GLCCI1: variants seen among roughly 807,000 people sequenced by gnomAD.
The protein encoded by GLCCI1 is glucocorticoid-induced transcript 1 protein.
In GLCCI1, 24 loss-of-function variants were observed where a neutral mutation model predicts 52.2. The observed-to-expected ratio is 0.46, with a 90% CI of 0.33 to 0.65. GLCCI1 has a LOEUF of 0.65. Among genes scored for constraint, GLCCI1 ranks in the 30% least tolerant of loss-of-function variants. The pLI is 0.02. For missense variants in GLCCI1, 704 were observed against 701.5 expected, an observed-to-expected ratio of 1.00 and a Z score of -0.04; for synonymous variants, 310 against 276.5, an observed-to-expected ratio of 1.12 and a Z score of -1.20.
intron 1 of GLCCI1, chr7:7,980,257 G>T (rs907110008): frequency 2.6e-5 from 4 of 153,132 alleles, no homozygotes; most frequent in African/African-American, 9.7e-5. Flanking sequence ...TTTAGTTTTT[G>T]CCTTAAAGAA....
At chr7:8,047,404 A>C (rs945898517) in intron 3 of GLCCI1, among the ~76,000 whole-genome samples, 3 of 152,250 alleles carry the variant, frequency 2.0e-5, no homozygotes, top group Non-Finnish European at 4.4e-5. Flanking sequence ...TGTATAAAGC[A>C]TTAAGTAGGG....
At chr7:7,976,507 A>AAAAAAAAAGG in intron 1 of GLCCI1, among the ~76,000 whole-genome samples, 1 of 146,090 alleles carries the variant, frequency 6.8e-6, no homozygotes, top group Admixed American at 6.7e-5. Context: ...AAGGAAAGGA[A>AAAAAAAAAGG]AAAGGAAAGG....
At chr7:8,068,970 T>C (rs1409525254) in intron 5 of GLCCI1, among the ~76,000 whole-genome samples, 1 of 152,194 alleles carries the variant, frequency 6.6e-6, no homozygotes, top group Non-Finnish European at 1.5e-5. Context: ...GGCCAGTAGG[T>C]AAGCTCTTGC....
chr7:8,085,323 T>C (rs1783081868), intron 7 of GLCCI1, among the ~76,000 whole-genome samples: 1 of 152,196 alleles, frequency 6.6e-6, no homozygotes, highest in Admixed American at 6.5e-5. Flanking sequence ...CAAAGAGACT[T>C]TAGGAGCAAA....
At chr7:8,079,583 C>T (rs748221943) in intron 6 of GLCCI1, among the ~76,000 whole-genome samples, 36 of 151,470 alleles carry the variant, frequency 2.4e-4, no homozygotes, top group Middle Eastern at 6.8e-3. Flanking sequence ...AGCATATCAA[C>T]AATAATGATT....
intron 1 of GLCCI1, among the ~76,000 whole-genome samples, chr7:7,991,171 A>G (rs1193674544): frequency 6.6e-6 from 1 of 151,924 alleles, no homozygotes; most frequent in African/African-American, 2.4e-5. Flanking sequence ...CATGGATTTA[A>G]CTCTTCACCC....
intron 1 of GLCCI1, among the ~76,000 whole-genome samples, chr7:7,991,335 T>C (rs1780835324): frequency 6.6e-6 from 1 of 152,080 alleles, no homozygotes; most frequent in South Asian, 2.1e-4. Context: ...TATTCACTTG[T>C]CTAGGAGACT....
chr7:8,029,997 G>T (rs1247064073), intron 3 of GLCCI1, among the ~76,000 whole-genome samples: 3 of 152,062 alleles, frequency 2.0e-5, no homozygotes, highest in Non-Finnish European at 4.4e-5. Context: ...TAGATTCAAT[G>T]CAATTCCTAT....
rs554517761 is a variant in GLCCI1 at position 8,007,164 on chromosome 7, T to C, written c.609+3105T>C. On this transcript the variant is annotated intron_variant, in intron 2 of 7. Transcript: ENST00000223145. The stretch of plus-strand genomic sequence containing the variant: ...AGGGCTTGTCTGGCTTGCATCTATC[T>C]GGATGTAGGTCATTTATTTGAGAAG... Among the ~76,000 whole-genome samples the C allele has an allele frequency of 2.6e-5, 4 of 152,132 alleles. No individual in the cohort carries two copies. The South Asian group carries it at 6.2e-4, about 24-fold the overall frequency.
At chr7:8,066,435 GAGTT>G (rs2127962998) in intron 5 of GLCCI1, among the ~76,000 whole-genome samples, 1 of 151,934 alleles carries the variant, frequency 6.6e-6, no homozygotes, top group Admixed American at 6.6e-5. Flanking sequence ...GCTAGCTTTG[GAGTT>G]AGTTTGCTCT....
intron 3 of GLCCI1, among the ~76,000 whole-genome samples, chr7:8,049,792 G>A (rs1013523186): frequency 1.4e-4 from 22 of 152,094 alleles, no homozygotes; most frequent in African/African-American, 2.4e-4. Context: ...CAGTAGCATC[G>A]CTAGGTAATA....
intron 1 of GLCCI1, among the ~76,000 whole-genome samples, chr7:7,974,010 T>G (rs1161651975): frequency 1.3e-5 from 2 of 152,120 alleles, no homozygotes; most frequent in Non-Finnish European, 2.9e-5. Flanking sequence ...ATTTTAAAAT[T>G]AATTAATTTT....
At chr7:7,998,615 T>C (rs1205974857) in intron 1 of GLCCI1, among the ~76,000 whole-genome samples, 1 of 152,218 alleles carries the variant, frequency 6.6e-6, no homozygotes, top group African/African-American at 2.4e-5. Context: ...ATAGTGTACT[T>C]TGTCTTTCTT....
Position 7,969,301 on chromosome 7 carries a change from GC to G in GLCCI1, c.-46del. 8.3e-7 allele frequency: 1 copy of G among 1,205,282 alleles called. No individual in the cohort carries two copies. The highest frequency in any genetic ancestry group is 6.5e-5 in the East Asian group (1 of 15,406). The allele number at this position is 1,205,282 out of a possible 1,614,324, so 74.7% of individuals were successfully genotyped here. ...GCTCCCACACGCTCGCGCGCCTCCC[GC>G]CCCGCGCCTCCGTGTCGGCCGGCGG... On this transcript the variant is annotated 5_prime_UTR_variant, in exon 1 of 8. Coordinates refer to ENST00000223145, the MANE Select transcript of GLCCI1 (RefSeq NM_138426.4). The surrounding 1 kb of genome is among the most constrained non-coding windows in gnomAD (Gnocchi z 4.9).
intron 6 of GLCCI1, among the ~76,000 whole-genome samples, chr7:8,082,483 T>C (rs1017029944): frequency 6.6e-6 from 1 of 152,152 alleles, no homozygotes; most frequent in Non-Finnish European, 1.5e-5. Context: ...TCTCTCTGAT[T>C]GCATACTTAA....
intron 2 of GLCCI1, among the ~76,000 whole-genome samples, chr7:8,019,929 C>T (rs942354393): frequency 2.6e-5 from 4 of 152,208 alleles, no homozygotes; most frequent in Middle Eastern, 3.4e-3. Flanking sequence ...AGGGTATTAC[C>T]GTAAACTACT....
At chr7:7,987,101 A>T (rs1464236030) in intron 1 of GLCCI1, among the ~76,000 whole-genome samples, 1 of 152,220 alleles carries the variant, frequency 6.6e-6, no homozygotes, top group Non-Finnish European at 1.5e-5. Flanking sequence ...AACCCCACAA[A>T]AACTGATTTT....
intron 2 of GLCCI1, among the ~76,000 whole-genome samples, chr7:8,009,024 A>G (rs1781208838): frequency 6.6e-6 from 1 of 152,180 alleles, no homozygotes; most frequent in African/African-American, 2.4e-5. Context: ...TGAAGTTAGT[A>G]ATACCCGATT....
chr7:8,036,693 G>T (rs1023388730), intron 3 of GLCCI1, among the ~76,000 whole-genome samples: 1 of 152,086 alleles, frequency 6.6e-6, no homozygotes, highest in South Asian at 2.1e-4. Flanking sequence ...AGTTTATTAG[G>T]AGATACTTTT....
Sources: allele counts gnomAD v4.1 joint callset (sites outside exome capture counted in the v4.1 genomes callset), GRCh38; gene constraint gnomAD v4.1.1; non-coding constraint Gnocchi (gnomAD v3.1); transcripts MANE v1.5; gene names NCBI Gene and HGNC (gene_info 2026-07-23, HGNC 2026-07-21).